Variants in SLC26A7 observed in about 807,000 individuals in gnomAD.
SLC26A7 encodes anion exchange transporter.
SLC26A7 carries 59 observed loss-of-function variants against 82.5 expected under a neutral mutation model. That is an observed-to-expected ratio of 0.72 (90% CI 0.58 to 0.89). The LOEUF is 0.89. Ranked by LOEUF, SLC26A7 falls within the 40% of genes least tolerant of loss-of-function variation. The pLI, the probability that SLC26A7 is intolerant of heterozygous loss-of-function variation, is 0.00. For synonymous variants in SLC26A7, 271 were observed against 274.3 expected (o/e 0.99, Z 0.12); for missense variants, 820 against 793.0 (o/e 1.03, Z -0.41).
intron 2 of SLC26A7, among the ~76,000 whole-genome samples, chr8:91,235,563 A>G (rs1810383177): frequency 6.6e-6 from 1 of 152,210 alleles, no homozygotes; most frequent in Admixed American, 6.5e-5. Context: ...GGGGGAAGAG[A>G]AAACTGCAAA....
chr8:91,220,445 C>T (rs1427582322), intron 2 of SLC26A7, among the ~76,000 whole-genome samples: 1 of 151,544 alleles, frequency 6.6e-6, no homozygotes. Context: ...CATAGGTATA[C>T]GGGTGCCATG....
chr8:91,356,604 A>G (rs1250280132), intron 11 of SLC26A7, among the ~76,000 whole-genome samples: 2 of 152,068 alleles, frequency 1.3e-5, no homozygotes, highest in African/African-American at 2.4e-5. Context: ...AATTTGTTTG[A>G]GTTCATTGTA....
chr8:91,223,192 G>A (rs1382011200), intron 2 of SLC26A7, among the ~76,000 whole-genome samples: 4 of 151,740 alleles, frequency 2.6e-5, no homozygotes, highest in Non-Finnish European at 4.4e-5. Context: ...CCCCTTTATC[G>A]TTTTTATTGT....
intron 7 of SLC26A7, among the ~76,000 whole-genome samples, chr8:91,339,068 G>A (rs1178912340): frequency 6.6e-6 from 1 of 152,064 alleles, no homozygotes; most frequent in East Asian, 1.9e-4. Context: ...CTGATTATAT[G>A]AATCAAATTG....
chr8:91,257,808 G>C (rs1206363458), intron 2 of SLC26A7, among the ~76,000 whole-genome samples: 1 of 151,966 alleles, frequency 6.6e-6, no homozygotes, highest in Non-Finnish European at 1.5e-5. Flanking sequence ...ATATCACCCA[G>C]TGTATTAGTC....
chr8:91,282,092 G>A (rs1811589515), intron 2 of SLC26A7, among the ~76,000 whole-genome samples: 2 of 151,924 alleles, frequency 1.3e-5, no homozygotes, highest in African/African-American at 2.4e-5. Context: ...CCTCCCTTTG[G>A]TTATTTTGAG....
At chr8:91,356,499 ATG>A (rs1414040541) in intron 11 of SLC26A7, among the ~76,000 whole-genome samples, 1 of 151,984 alleles carries the variant, frequency 6.6e-6, no homozygotes, top group African/African-American at 2.4e-5. Context: ...GCATTTTTTC[ATG>A]TGTTTTTTGG....
chr8:91,218,418 G>A (rs1810096344), intron 1 of SLC26A7, among the ~76,000 whole-genome samples: 1 of 152,084 alleles, frequency 6.6e-6, no homozygotes, highest in South Asian at 2.1e-4. Flanking sequence ...CCCAGCCAGT[G>A]AAGATCTTAA....
intron 2 of SLC26A7, among the ~76,000 whole-genome samples, chr8:91,265,893 T>G (rs922770524): frequency 3.4e-4 from 52 of 152,090 alleles, no homozygotes; most frequent in African/African-American, 1.2e-3. Context: ...GGTTGTCTCT[T>G]CACTCTGTTG....
chr8:91,337,899 GACC>G (rs1813288642), intron 6 of SLC26A7, among the ~76,000 whole-genome samples: 1 of 152,158 alleles, frequency 6.6e-6, no homozygotes, highest in African/African-American at 2.4e-5. Flanking sequence ...TAATTGGGTT[GACC>G]ACGGTAGGAT....
chr8:91,343,123 C>T (rs1813464052), intron 8 of SLC26A7: 3 of 412,794 alleles, frequency 7.3e-6, no homozygotes, highest in South Asian at 3.6e-5. Context: ...ATAGTATTTC[C>T]CTATAAGGTT....
intron 18 of SLC26A7, 78 bp downstream of exon 18, chr8:91,394,117 A>C: frequency 6.3e-7 from 1 of 1,586,726 alleles, no homozygotes; most frequent in African/African-American, 1.3e-5. Context: ...CTTTTATATT[A>C]GCTTATTACT....
At chr8:91,381,013 T>C (rs1473598636) in intron 15 of SLC26A7, among the ~76,000 whole-genome samples, 1 of 152,052 alleles carries the variant, frequency 6.6e-6, no homozygotes, top group East Asian at 1.9e-4. Flanking sequence ...TTATAAACAA[T>C]GTTGGGGAAA....
chr8:91,286,340 A>G (rs760586693), intron 2 of SLC26A7, among the ~76,000 whole-genome samples: 10 of 152,242 alleles, frequency 6.6e-5, no homozygotes, highest in Non-Finnish European at 1.5e-4. Flanking sequence ...TGTAACCATT[A>G]TCATACCTAC....
At chr8:91,248,380 G>A (rs571925286), upstream of SLC26A7, among the ~76,000 whole-genome samples, 12 of 152,030 alleles carry the variant, frequency 7.9e-5, no homozygotes, top group Non-Finnish European at 1.6e-4. Context: ...AGGGATCCAA[G>A]TACTTTGTTA....
At position 91,362,296 on chromosome 8, in the gene SLC26A7, A is replaced by G. The variant is rs1466934957; in HGVS notation, c.1315-57A>G. 5 of 1,303,612 alleles carry G rather than the reference A, an allele frequency of 3.8e-6. No individual in the cohort carries two copies. In the East Asian group the frequency reaches 1.2e-4, roughly 30 times the overall value. 80.8% of individuals were successfully genotyped at this position (1,303,612 alleles called of 1,614,324 possible). ...TATGATTGTGAGGAACTTAGCAATA[A>G]TGAGAAGAAGTGAATTCCAAAGGAT... On this transcript the variant is annotated intron_variant, in intron 11 of 18. Transcript: ENST00000276609.
intron 2 of SLC26A7, among the ~76,000 whole-genome samples, chr8:91,237,542 T>C (rs1471277273): frequency 6.6e-6 from 1 of 152,174 alleles, no homozygotes; most frequent in Non-Finnish European, 1.5e-5. Context: ...GTGCCCTTTA[T>C]CCCTTTACTT....
chr8:91,295,784 G>C (rs1812001336), intron 4 of SLC26A7, 81 bp downstream of exon 4: 1 of 1,417,204 alleles, frequency 7.1e-7, no homozygotes, highest in Non-Finnish European at 9.6e-7. Flanking sequence ...TTTTATTCTT[G>C]TTCATGAATT....
intron 4 of SLC26A7, among the ~76,000 whole-genome samples, chr8:91,303,321 T>G (rs1315810640): frequency 6.6e-6 from 1 of 152,176 alleles, no homozygotes; most frequent in Non-Finnish European, 1.5e-5. Context: ...TATTTGTTTT[T>G]CCAAGAGCTT....
Sources: gnomAD v4.1 joint callset for allele counts (sites outside exome capture counted in the v4.1 genomes callset) on GRCh38, gnomAD v4.1.1 for gene constraint, MANE v1.5 for transcripts, NCBI Gene and HGNC (gene_info 2026-07-23, HGNC 2026-07-21) for gene names.